The following CDS2 variants were observed in gnomAD, a reference collection of about 807,000 sequenced individuals.
CDS2 encodes CDP-diacylglycerol synthase 2, also known as phosphatidate cytidylyltransferase 2.
Under a neutral mutation model 59.0 loss-of-function variants are expected in CDS2, and 47 were observed. The observed-to-expected ratio is 0.80, with a 90% CI of 0.63 to 1.02. The LOEUF is 1.02. Among genes scored for constraint, CDS2 ranks in the 50% least tolerant of loss-of-function variants. The probability of loss-of-function intolerance (pLI) is 0.00; values close to 1 mark genes in which losing one functional copy is unlikely to be tolerated. For missense variants in CDS2, 356 were observed against 558.9 expected, an observed-to-expected ratio of 0.64 and a Z score of 3.66; for synonymous variants, 207 against 206.4, an observed-to-expected ratio of 1.00 and a Z score of -0.02.
At chr20:5,163,448 A>G (rs1255706081) in intron 1 of CDS2, among the ~76,000 whole-genome samples, 1 of 147,342 alleles carries the variant, frequency 6.8e-6, no homozygotes, top group Admixed American at 6.8e-5. Flanking sequence ...TTTAGTAGAG[A>G]CAGGGTTTCT....
At chr20:5,136,285 C>T (rs546570188) in intron 1 of CDS2, among the ~76,000 whole-genome samples, 1 of 152,246 alleles carries the variant, frequency 6.6e-6, no homozygotes, top group African/African-American at 2.4e-5. Flanking sequence ...CTCTTACCAC[C>T]CTCCTTCAGT....
At chr20:5,158,955 C>T (rs2090854842) in intron 1 of CDS2, among the ~76,000 whole-genome samples, 1 of 152,156 alleles carries the variant, frequency 6.6e-6, no homozygotes, top group Non-Finnish European at 1.5e-5. Context: ...TATCTCAGCA[C>T]AGGTGAGGGT....
chr20:5,143,040 C>T (rs2090708332), intron 1 of CDS2, among the ~76,000 whole-genome samples: 1 of 151,958 alleles, frequency 6.6e-6, no homozygotes, highest in Non-Finnish European at 1.5e-5. Flanking sequence ...AACAGAGTCT[C>T]ACTATGTTGA....
intron 1 of CDS2, among the ~76,000 whole-genome samples, 164 bp from the exon 2 acceptor site, chr20:5,173,359 T>G (rs1433421114): frequency 6.6e-6 from 1 of 152,242 alleles, no homozygotes; most frequent in Non-Finnish European, 1.5e-5. Flanking sequence ...GTCACAACAG[T>G]GTCAGGATTG....
rs762849124 is a variant in CDS2, at chr20:5,186,742, A to G, written c.884A>G (p.Asn295Ser). ...TTTGTCTGCCCTGTGGAGTACAACA[A>G]TGACACCAACAGCTTCACTGTGGAC... The part of the protein sequence containing the change: ...RCFVCPVEYN[N>S]DTNSFTVDCE... Residue 295 changes from asparagine (N) to serine (S), a missense_variant, in exon 10 of 13, where the codon AAT becomes AGT. Physicochemically the swap from Asn to Ser is conservative, Grantham distance 46 (BLOSUM62 1). Coordinates refer to ENST00000460006, the MANE Select transcript of CDS2 (RefSeq NM_003818.4). 1.2e-5 allele frequency: 19 copies of G among 1,614,042 alleles called. No homozygotes were observed. Among genetic ancestry groups the G allele is most frequent in the East Asian group, 2.2e-5 (1 of 44,866 alleles).
chr20:5,161,821 C>T (rs1292857845), intron 1 of CDS2, among the ~76,000 whole-genome samples: 1 of 152,108 alleles, frequency 6.6e-6, no homozygotes, highest in Non-Finnish European at 1.5e-5. Context: ...TCTTTTTTGT[C>T]TCCTTACTGT....
At chr20:5,133,870 C>T (rs777207857) in intron 1 of CDS2, among the ~76,000 whole-genome samples, 40 of 152,008 alleles carry the variant, frequency 2.6e-4, no homozygotes, top group Non-Finnish European at 4.4e-4. Context: ...ATTTTTTTCT[C>T]ATAGAATTAA....
Position 5,169,684 on chromosome 20 carries a change from A to G in CDS2, c.58-3839A>G, listed in dbSNP as rs144679714. On this transcript the variant is annotated intron_variant, in intron 1 of 12. Transcript: ENST00000460006. ...ATTACAAAGCATACATGGGAAAGAAAAGAAGAATGAGGTAAGTAGAGATGA... is the reference window on the plus strand; with the variant it reads ...ATTACAAAGCATACATGGGAAAGAAGAGAAGAATGAGGTAAGTAGAGATGA... Among the ~76,000 whole-genome samples, 9 of 152,348 alleles carry G rather than the reference A, an allele frequency of 5.9e-5. 1 individual carries two copies. The East Asian group carries it at 1.7e-3, about 29-fold the overall frequency.
chr20:5,139,068 G>A (rs1015915628), intron 1 of CDS2, among the ~76,000 whole-genome samples: 3 of 152,166 alleles, frequency 2.0e-5, no homozygotes, highest in Admixed American at 6.5e-5. Context: ...CAGGCTGGGC[G>A]TGGTGGCTCA....
At chr20:5,175,106 T>C in intron 2 of CDS2, 77 bp from the exon 3 acceptor site, 2 of 1,033,864 alleles carry the variant, frequency 1.9e-6, no homozygotes, top group Non-Finnish European at 3.1e-6. Context: ...GGAAGATCCA[T>C]ATCCCTTGAG....
At chr20:5,152,763 A>G (rs993026470) in intron 1 of CDS2, among the ~76,000 whole-genome samples, 2 of 152,158 alleles carry the variant, frequency 1.3e-5, no homozygotes, top group Non-Finnish European at 2.9e-5. Context: ...GCACACACAC[A>G]TGAATTAGTC....
intron 1 of CDS2, among the ~76,000 whole-genome samples, chr20:5,172,967 G>A (rs939867259): frequency 6.6e-6 from 1 of 152,218 alleles, no homozygotes; most frequent in South Asian, 2.1e-4. Flanking sequence ...AGGTGCACCA[G>A]TCCTGGCTCG....
intron 10 of CDS2, 144 bp from the exon 11 acceptor site, chr20:5,188,923 G>A: frequency 1.1e-6 from 1 of 904,834 alleles, no homozygotes; most frequent in Non-Finnish European, 1.7e-6. Context: ...TGAGGGATTT[G>A]CCCCTGTGAC....
chr20:5,188,137 A>AAC (rs1395348630), intron 10 of CDS2, among the ~76,000 whole-genome samples: 1 of 152,144 alleles, frequency 6.6e-6, no homozygotes, highest in African/African-American at 2.4e-5. Context: ...AAATGTGTCT[A>AAC]CATTTGGAAG....
intron 1 of CDS2, among the ~76,000 whole-genome samples, chr20:5,138,785 C>T (rs1219784278): frequency 3.9e-5 from 6 of 151,936 alleles, no homozygotes; most frequent in South Asian, 4.2e-4. Flanking sequence ...GCAGGAGAAT[C>T]GCTTGAATCT....
chr20:5,144,056 C>T (rs551982603), intron 1 of CDS2, among the ~76,000 whole-genome samples: 4 of 152,220 alleles, frequency 2.6e-5, no homozygotes, highest in East Asian at 1.9e-4. Context: ...TGAGCCACCA[C>T]GCCCCCGCCT....
chr20:5,154,553 T>C (rs1320561183), intron 1 of CDS2, among the ~76,000 whole-genome samples: 1 of 152,234 alleles, frequency 6.6e-6, no homozygotes, highest in East Asian at 1.9e-4. Flanking sequence ...AACTGGTTTT[T>C]CTTAATAGGA....
At chr20:5,142,353 A>G (rs1035822622) in intron 1 of CDS2, among the ~76,000 whole-genome samples, 2 of 152,238 alleles carry the variant, frequency 1.3e-5, no homozygotes, top group East Asian at 3.9e-4. Context: ...AGGTTGAGGC[A>G]GGATAATCGC....
chr20:5,179,119 A>AC (rs1313109732), intron 5 of CDS2, among the ~76,000 whole-genome samples, 163 bp downstream of exon 5: 7 of 124,030 alleles, frequency 5.6e-5, no homozygotes, highest in Non-Finnish European at 1.2e-4. Context: ...AGCAGCTGTT[A>AC]CCTTTTTTTT....
Sources: gnomAD v4.1 joint callset for allele counts (sites outside exome capture counted in the v4.1 genomes callset) on GRCh38, gnomAD v4.1.1 for gene constraint, MANE v1.5 for transcripts, NCBI Gene and HGNC (gene_info 2026-07-23, HGNC 2026-07-21) for gene names.